The following RABL3 variants were observed in gnomAD, a reference collection of about 807,000 sequenced individuals.
RABL3 encodes the protein rab-like protein 3.
In RABL3, 31 loss-of-function variants were observed where a neutral mutation model predicts 31.8. The observed-to-expected ratio is 0.97, with a 90% CI of 0.73 to 1.31. The LOEUF (loss-of-function observed/expected upper bound fraction) is 1.31. Among genes scored for constraint, RABL3 ranks in the 40% most tolerant of loss-of-function variants. The pLI is 0.00. For synonymous variants in RABL3, 97 were observed against 99.9 expected (o/e 0.97, Z 0.18); for missense variants, 263 against 279.6 (o/e 0.94, Z 0.42).
intron 5 of RABL3, 127 bp from the exon 6 acceptor site, chr3:120,694,351 T>C (rs1708413034): frequency 1.7e-6 from 1 of 581,656 alleles, no homozygotes; most frequent in Admixed American, 2.7e-5. Flanking sequence ...TCACAAAATA[T>C]TCAAATAATT....
At chr3:120,699,807 G>C (rs989424615) in intron 4 of RABL3, among the ~76,000 whole-genome samples, 6 of 152,084 alleles carry the variant, frequency 3.9e-5, no homozygotes, top group Non-Finnish European at 7.4e-5. Context: ...TCTATTTATT[G>C]CATCAAAGCC....
At chr3:120,723,756 T>C (rs935437343) in intron 2 of RABL3, among the ~76,000 whole-genome samples, 12 of 152,144 alleles carry the variant, frequency 7.9e-5, no homozygotes, top group African/African-American at 2.4e-4. Context: ...CAACCCTTCA[T>C]GCTAAAAACT....
chr3:120,730,840 T>G (rs2107595237), intron 1 of RABL3, 53 bp from the exon 2 acceptor site: 1 of 1,237,564 alleles, frequency 8.1e-7, no homozygotes, highest in East Asian at 2.3e-5. Context: ...TGAAATCTGT[T>G]TTGGAAAGAG....
intron 2 of RABL3, among the ~76,000 whole-genome samples, chr3:120,724,397 G>A (rs1708790273): frequency 6.6e-6 from 1 of 152,168 alleles, no homozygotes; most frequent in African/African-American, 2.4e-5. Flanking sequence ...TAGATTCAAT[G>A]CCATCCCCAT....
chr3:120,685,766 A>G lies in RABL3; in HGVS notation c.*4057T>C, dbSNP rs1481878195. 6.6e-6 allele frequency among the ~76,000 whole-genome samples: 1 copy of G among 152,108 alleles called. No individual in the cohort carries two copies. The highest frequency in any genetic ancestry group is 1.5e-5 in the Non-Finnish European group (1 of 68,012). On this transcript the variant is annotated 3_prime_UTR_variant, in exon 8 of 8. Transcript: ENST00000273375. ...AATCTATATTCCCTACTTTTTGATG[A>G]GTTTATTTGTCTTTCTTAAAGGCTA...
chr3:120,716,804 G>C (rs546557792), intron 2 of RABL3, among the ~76,000 whole-genome samples: 1 of 152,124 alleles, frequency 6.6e-6, no homozygotes, highest in African/African-American at 2.4e-5. Flanking sequence ...TTAGGTAAAG[G>C]CTTTATAAGC....
At chr3:120,735,915 T>C (rs1224251124) in intron 1 of RABL3, among the ~76,000 whole-genome samples, 1 of 152,224 alleles carries the variant, frequency 6.6e-6, no homozygotes, top group Non-Finnish European at 1.5e-5. Flanking sequence ...AGAGACAGTT[T>C]GTTACAACTA....
At chr3:120,738,434 GACTCCTTGCGCTT>G (rs1261989925) in intron 1 of RABL3, 2 of 152,402 alleles carry the variant, frequency 1.3e-5, no homozygotes, top group Non-Finnish European at 2.9e-5. Context: ...GGAATTCCCT[GACTCCTTGCGCTT>G]CTTTGGCTCA....
At chr3:120,730,959 T>G (rs1220384938) in intron 1 of RABL3, among the ~76,000 whole-genome samples, 172 bp from the exon 2 acceptor site, 1 of 152,196 alleles carries the variant, frequency 6.6e-6, no homozygotes, top group African/African-American at 2.4e-5. Context: ...AGGGCAGCGG[T>G]TCTCTCAAAT....
At chr3:120,725,704 A>C (rs141255898) in intron 2 of RABL3, among the ~76,000 whole-genome samples, 2 of 152,202 alleles carry the variant, frequency 1.3e-5, no homozygotes, top group Non-Finnish European at 2.9e-5. Flanking sequence ...AGGACAAAAA[A>C]CCAAACACCA....
chr3:120,736,847 G>T (rs1237777595), intron 1 of RABL3, among the ~76,000 whole-genome samples: 1 of 152,230 alleles, frequency 6.6e-6, no homozygotes, highest in Non-Finnish European at 1.5e-5. Context: ...CTTTAAGAAT[G>T]TTGAATATTG....
In RABL3 at chr3:120,685,765, G is replaced by T. The variant is rs1196898599; in HGVS notation, c.*4058C>A. On this transcript the variant is annotated 3_prime_UTR_variant, in exon 8 of 8. Coordinates refer to ENST00000273375, the MANE Select transcript of RABL3 (RefSeq NM_173825.5). ...CAATCTATATTCCCTACTTTTTGAT[G>T]AGTTTATTTGTCTTTCTTAAAGGCT... is the stretch of plus-strand genomic sequence containing the variant. 6.6e-6 allele frequency among the ~76,000 whole-genome samples: 1 copy of T among 152,132 alleles called. No homozygotes were observed. Among genetic ancestry groups the T allele is most frequent in the Admixed American group, 6.6e-5 (1 of 15,264 alleles).
intron 6 of RABL3, 33 bp downstream of exon 6, chr3:120,694,120 T>G (rs764119572): frequency 7.0e-7 from 1 of 1,421,832 alleles, no homozygotes; most frequent in East Asian, 2.3e-5. Context: ...ATATATAAAT[T>G]AAGTTTAAAA....
At chr3:120,704,556 GA>G (rs976140991) in intron 4 of RABL3, among the ~76,000 whole-genome samples, 1 of 152,134 alleles carries the variant, frequency 6.6e-6, no homozygotes, top group African/African-American at 2.4e-5. Context: ...TACCCTTTTG[GA>G]AGTTGCTGCC....
intron 4 of RABL3, 95 bp downstream of exon 4, chr3:120,705,905 A>C: frequency 1.3e-6 from 1 of 785,002 alleles, no homozygotes; most frequent in Non-Finnish European, 2.2e-6. Flanking sequence ...TGAAAGAAAA[A>C]TCTTTGCAAA....
intron 6 of RABL3, among the ~76,000 whole-genome samples, 166 bp from the exon 7 acceptor site, chr3:120,690,653 G>C (rs1050428155): frequency 1.3e-5 from 2 of 152,132 alleles, no homozygotes; most frequent in Non-Finnish European, 2.9e-5. Context: ...AATGAGATCA[G>C]AATTGTGAGA....
At chr3:120,705,404 A>C (rs1559814422) in intron 4 of RABL3, among the ~76,000 whole-genome samples, 2 of 152,236 alleles carry the variant, frequency 1.3e-5, no homozygotes, top group Non-Finnish European at 2.9e-5. Flanking sequence ...CAATTTTAAG[A>C]CTATAATTAA....
intron 3 of RABL3, among the ~76,000 whole-genome samples, chr3:120,707,050 C>A (rs1246985958): frequency 6.6e-6 from 1 of 152,184 alleles, no homozygotes; most frequent in Non-Finnish European, 1.5e-5. Flanking sequence ...ACTCCCAACC[C>A]TTTTCTATAT....
rs1161406836 is a variant in RABL3 at position 120,686,123 on chromosome 3, G to C, written c.*3700C>G. Among the ~76,000 whole-genome samples, 1 of 152,200 alleles carries C rather than the reference G, an allele frequency of 6.6e-6. No individual in the cohort carries two copies. The highest frequency in any genetic ancestry group is 2.4e-5 in the African/African-American group (1 of 41,452). On this transcript the variant is annotated 3_prime_UTR_variant, in exon 8 of 8. Transcript: ENST00000273375. Reference sequence around the variant, plus strand: ...TGAGACACAGGGTTAGACTTCCTGCGACCCTTCCTCTCCCACCACAGTGAT... The same window carrying C: ...TGAGACACAGGGTTAGACTTCCTGCCACCCTTCCTCTCCCACCACAGTGAT...
Sources: gnomAD v4.1 joint callset for allele counts (sites outside exome capture counted in the v4.1 genomes callset) on GRCh38, gnomAD v4.1.1 for gene constraint, MANE v1.5 for transcripts, NCBI Gene and HGNC (gene_info 2026-07-23, HGNC 2026-07-21) for gene names.